The following CLVS1 variants were observed in gnomAD, a reference collection of about 807,000 sequenced individuals.
CLVS1 encodes the protein clavesin-1.
In CLVS1, 10 loss-of-function variants were observed where a neutral mutation model predicts 33.1. That is an observed-to-expected ratio of 0.30 (90% CI 0.19 to 0.51). The LOEUF (loss-of-function observed/expected upper bound fraction) is 0.51. Among genes scored for constraint, CLVS1 ranks in the 20% least tolerant of loss-of-function variants. The probability of loss-of-function intolerance (pLI) is 0.97; values close to 1 mark genes in which losing one functional copy is unlikely to be tolerated. For synonymous variants in CLVS1, 163 were observed against 166.1 expected (o/e 0.98, Z 0.14); for missense variants, 343 against 433.4 (o/e 0.79, Z 1.85).
At chr8:61,275,883 G>A (rs747180516) in intron 2 of CLVS1, among the ~76,000 whole-genome samples, 1 of 152,082 alleles carries the variant, frequency 6.6e-6, no homozygotes, top group Non-Finnish European at 1.5e-5. Flanking sequence ...CATGTTGCTC[G>A]TGCAATATTT....
At chr8:61,207,298 C>G (rs1241065688) in intron 2 of CLVS1, among the ~76,000 whole-genome samples, 1 of 151,982 alleles carries the variant, frequency 6.6e-6, no homozygotes, top group Non-Finnish European at 1.5e-5. Context: ...TGCACGGGCT[C>G]CAGTGATGTG....
chr8:61,195,151 A>T (rs977954817), intron 2 of CLVS1, among the ~76,000 whole-genome samples: 2 of 152,010 alleles, frequency 1.3e-5, no homozygotes, highest in African/African-American at 4.8e-5. Context: ...GGAGAGAAAA[A>T]TATACAAGTA....
At chr8:61,227,870 A>G (rs1164227637) in intron 2 of CLVS1, among the ~76,000 whole-genome samples, 1 of 152,202 alleles carries the variant, frequency 6.6e-6, no homozygotes, top group Non-Finnish European at 1.5e-5. Context: ...AGACAAAAAA[A>G]TACTGTTAGT....
At chr8:61,176,674 C>T (rs947686610) in intron 2 of CLVS1, among the ~76,000 whole-genome samples, 3 of 152,098 alleles carry the variant, frequency 2.0e-5, no homozygotes, top group African/African-American at 7.2e-5. Flanking sequence ...GCTGGCATGA[C>T]CCATGGAGAG....
intron 5 of CLVS1, among the ~76,000 whole-genome samples, chr8:61,496,424 A>AT (rs1360988147): frequency 6.6e-6 from 1 of 151,868 alleles, no homozygotes; most frequent in Non-Finnish European, 1.5e-5. Flanking sequence ...ATGCCTCTGG[A>AT]TTTTCTGCTT....
chr8:61,090,540 C>G (rs6471919), intron 1 of CLVS1, among the ~76,000 whole-genome samples: 1 of 151,612 alleles, frequency 6.6e-6, no homozygotes, highest in Non-Finnish European at 1.5e-5. Context: ...AAAAAAAAAG[C>G]GTGATTCCAA....
the CLVS1 span, among the ~76,000 whole-genome samples, chr8:61,051,348 G>A: frequency 6.6e-6 from 1 of 152,232 alleles, no homozygotes; most frequent in Middle Eastern, 3.2e-3. Flanking sequence ...GGTTGCTAAG[G>A]CACCTCTAAA....
chr8:61,168,842 T>G (rs1265676535), intron 2 of CLVS1, among the ~76,000 whole-genome samples: 1 of 152,232 alleles, frequency 6.6e-6, no homozygotes, highest in African/African-American at 2.4e-5. Flanking sequence ...CATACCCTGC[T>G]CCAACTAAAG....
the CLVS1 span, among the ~76,000 whole-genome samples, chr8:61,013,193 AC>A: frequency 6.6e-6 from 1 of 151,306 alleles, no homozygotes; most frequent in Admixed American, 6.6e-5. Context: ...CCACATCCTG[AC>A]CCTCCCCCAT....
At chr8:61,245,278 G>T (rs974269275) in intron 2 of CLVS1, among the ~76,000 whole-genome samples, 1 of 151,974 alleles carries the variant, frequency 6.6e-6, no homozygotes, top group African/African-American at 2.4e-5. Context: ...TGCCTCCTGA[G>T]TTCAAACAAT....
At chr8:61,157,446 A>G (rs938489960) in intron 2 of CLVS1, among the ~76,000 whole-genome samples, 2 of 152,208 alleles carry the variant, frequency 1.3e-5, no homozygotes, top group African/African-American at 4.8e-5. Flanking sequence ...TACTGGAATA[A>G]AATATAGGGT....
At chr8:61,028,535 G>A in the CLVS1 span, among the ~76,000 whole-genome samples, 1 of 152,192 alleles carries the variant, frequency 6.6e-6, no homozygotes, top group Non-Finnish European at 1.5e-5. Flanking sequence ...CCTGGCCACT[G>A]CTGAGGTGTC....
chr8:61,193,389 G>A (rs1347504715), intron 2 of CLVS1, among the ~76,000 whole-genome samples: 1 of 152,002 alleles, frequency 6.6e-6, no homozygotes, highest in Non-Finnish European at 1.5e-5. Flanking sequence ...GAGAGGGGGA[G>A]GGATAGCATT....
chr8:61,363,616 C>T (rs568210677), intron 2 of CLVS1, among the ~76,000 whole-genome samples: 1 of 152,286 alleles, frequency 6.6e-6, no homozygotes, highest in East Asian at 1.9e-4. Flanking sequence ...ACACACAGAA[C>T]TTTGGATAGG....
Position 61,101,720 on chromosome 8 carries a change from CA to C in CLVS1, c.-242-30048del, listed in dbSNP as rs1470116375. On this transcript the variant is annotated intron_variant, in intron 1 of 2. Coordinates refer to the CLVS1 transcript ENST00000522621. Reference sequence around the variant, plus strand: ...AAATATTTACCCTTAGGTTTATCTACAAGTTTTATATGTTTTTAAGCTCTAC... The same window carrying C: ...AAATATTTACCCTTAGGTTTATCTACAGTTTTATATGTTTTTAAGCTCTAC... Among the ~76,000 whole-genome samples the C allele has an allele frequency of 4.6e-5, 7 of 151,958 alleles. No homozygotes were observed. The East Asian group carries it at 1.4e-3, about 29-fold the overall frequency.
chr8:61,297,589 C>G (rs957384641), intron 1 of CLVS1, among the ~76,000 whole-genome samples: 3 of 152,040 alleles, frequency 2.0e-5, no homozygotes, highest in African/African-American at 4.8e-5. Context: ...TTGAACAGAT[C>G]GAGTTTGTGT....
rs139026354 is a variant in CLVS1 at position 61,387,233 on chromosome 8, A to G, written c.630+10454A>G. Among the ~76,000 whole-genome samples, 712 of 152,146 alleles carry G rather than the reference A, an allele frequency of 4.7e-3. 1 individual carries two copies. Among genetic ancestry groups the G allele is most frequent in the Non-Finnish European group, 8.8e-3 (598 of 67,986 alleles). ...TGAAACTCCATCTCTACTAAAATAC[A>G]AAAATTAGCCGGTCATGATGGAGGG... On this transcript the variant is annotated intron_variant, in intron 3 of 5. Coordinates refer to ENST00000325897, the MANE Select transcript of CLVS1 (RefSeq NM_173519.3).
chr8:61,261,107 C>A (rs1431714589), intron 2 of CLVS1, among the ~76,000 whole-genome samples: 1 of 152,186 alleles, frequency 6.6e-6, no homozygotes, highest in East Asian at 1.9e-4. Context: ...GCATCTGTGG[C>A]TTGAGCTCTG....
chr8:61,158,075 A>G (rs1175369383), intron 2 of CLVS1, among the ~76,000 whole-genome samples: 1 of 152,358 alleles, frequency 6.6e-6, no homozygotes, highest in Admixed American at 6.5e-5. Context: ...CTGCATACCT[A>G]TCAATGGAAT....
Sources: allele counts gnomAD v4.1 joint callset (sites outside exome capture counted in the v4.1 genomes callset), GRCh38; gene constraint gnomAD v4.1.1; transcripts MANE v1.5; gene names NCBI Gene and HGNC (gene_info 2026-07-23, HGNC 2026-07-21).